The following TENM3 variants were observed in gnomAD, a reference collection of about 807,000 sequenced individuals.
TENM3 encodes the protein teneurin-3.
TENM3 carries 63 observed loss-of-function variants against 255.1 expected under a neutral mutation model. The observed-to-expected ratio is 0.25, with a 90% CI of 0.20 to 0.30. The LOEUF is 0.30. Ranked by LOEUF, TENM3 falls within the 10% of genes least tolerant of loss-of-function variation. The probability of loss-of-function intolerance (pLI) is 1.00; values close to 1 mark genes in which losing one functional copy is unlikely to be tolerated. For synonymous variants in TENM3, 1,306 were observed against 1,322.3 expected (o/e 0.99, Z 0.27); for missense variants, 2,929 against 3,461.1 (o/e 0.85, Z 3.86).
intron 2 of TENM3, among the ~76,000 whole-genome samples, chr4:182,344,086 T>A (rs1764645001): frequency 7.2e-6 from 1 of 138,938 alleles, no homozygotes; most frequent in Non-Finnish European, 1.6e-5. Context: ...ATTTTTTAAG[T>A]GATTTTTTTC....
chr4:182,524,728 C>A (rs964056914), intron 3 of TENM3, among the ~76,000 whole-genome samples: 2 of 149,736 alleles, frequency 1.3e-5, no homozygotes, highest in African/African-American at 4.9e-5. Context: ...CTTTTTAAGA[C>A]AAGAGGGGGC....
intron 3 of TENM3, among the ~76,000 whole-genome samples, chr4:182,479,645 T>C (rs1313568860): frequency 6.6e-6 from 1 of 152,028 alleles, no homozygotes; most frequent in African/African-American, 2.4e-5. Flanking sequence ...TAATCCTCAT[T>C]TGTAGTGTTG....
the TENM3 span, among the ~76,000 whole-genome samples, chr4:181,926,446 T>C: frequency 6.6e-6 from 1 of 152,168 alleles, no homozygotes; most frequent in African/African-American, 2.4e-5. Flanking sequence ...AAGAACCTTG[T>C]GACATTTCTG....
At chr4:181,452,583 C>T in the TENM3 span, among the ~76,000 whole-genome samples, 5 of 152,116 alleles carry the variant, frequency 3.3e-5, no homozygotes, top group African/African-American at 1.2e-4. Context: ...TTGTAAGTTT[C>T]CTGAGGCCTC....
the TENM3 span, among the ~76,000 whole-genome samples, chr4:181,869,263 A>G: frequency 8.9e-4 from 135 of 152,284 alleles, no homozygotes; most frequent in East Asian, 0.014. Flanking sequence ...TTTAGGAAAC[A>G]CTTCAGTTTA....
chr4:182,287,865 C>T (rs1561283235), intron 1 of TENM3, among the ~76,000 whole-genome samples: 1 of 152,064 alleles, frequency 6.6e-6, no homozygotes. Context: ...GATCCGCCCA[C>T]CTCACCCTCC....
the TENM3 span, among the ~76,000 whole-genome samples, chr4:181,782,438 T>A: frequency 6.6e-6 from 1 of 152,198 alleles, no homozygotes; most frequent in Admixed American, 6.5e-5. Flanking sequence ...CTGATGGTAG[T>A]TCGTATTTCT....
intron 22 of TENM3, among the ~76,000 whole-genome samples, chr4:182,755,932 G>A (rs1377981663): frequency 6.6e-6 from 1 of 152,170 alleles, no homozygotes; most frequent in African/African-American, 2.4e-5. Flanking sequence ...CTCGTGTAAG[G>A]GAGAAGCCCA....
At chr4:182,143,896 CTCGG>C (rs1375108328), upstream of TENM3, 1 of 152,652 alleles carries the variant, frequency 6.6e-6, no homozygotes, top group Non-Finnish European at 1.5e-5. This position sits in a 1 kb window ranked among gnomAD's most constrained non-coding sequence, Gnocchi z 4.3. Context: ...GCATGGGAGC[CTCGG>C]TGCTTTCCCG....
At chr4:181,811,348 C>T in the TENM3 span, among the ~76,000 whole-genome samples, 10 of 152,162 alleles carry the variant, frequency 6.6e-5, no homozygotes, top group Non-Finnish European at 1.5e-4. Context: ...CATCATGTAT[C>T]TCTTCTCAAT....
chr4:181,558,535 T>G, the TENM3 span, among the ~76,000 whole-genome samples: 1 of 152,228 alleles, frequency 6.6e-6, no homozygotes, highest in Admixed American at 6.5e-5. Context: ...TCACAAACCA[T>G]TCCATAATCC....
the TENM3 span, among the ~76,000 whole-genome samples, chr4:181,844,179 A>C: frequency 6.6e-6 from 1 of 152,078 alleles, no homozygotes; most frequent in Non-Finnish European, 1.5e-5. Flanking sequence ...TAACCCATTC[A>C]TGGAGGCAAA....
At chr4:182,537,858 A>T (rs1311635932) in intron 3 of TENM3, among the ~76,000 whole-genome samples, 1 of 152,182 alleles carries the variant, frequency 6.6e-6, no homozygotes. Flanking sequence ...ATGTGCACAG[A>T]TGCAAACTGA....
chr4:182,185,874 A>G (rs1291912622), intron 1 of TENM3, among the ~76,000 whole-genome samples: 1 of 152,358 alleles, frequency 6.6e-6, no homozygotes, highest in East Asian at 1.9e-4. Context: ...CATAGAAAAC[A>G]TGGAATGTCC....
In TENM3 at chr4:182,264,571, A is replaced by G. The variant is rs560887089; in HGVS notation, c.-76+21095A>G. On this transcript the variant is annotated intron_variant, in intron 1 of 27. Coordinates refer to ENST00000511685, the MANE Select transcript of TENM3 (RefSeq NM_001080477.4). The stretch of plus-strand genomic sequence containing the variant: ...CAGAGACTGTCCTGTGCTGTAGCTC[A>G]GTAGCTAAGGTTTTTGCCCTTTCCC... 2.2e-4 allele frequency among the ~76,000 whole-genome samples: 34 copies of G among 152,352 alleles called. No individual in the cohort carries two copies. The East Asian group carries it at 6.6e-3, about 29-fold the overall frequency.
intron 3 of TENM3, chr4:182,349,813 T>C (rs1239912962): frequency 5.6e-6 from 2 of 355,042 alleles, no homozygotes; most frequent in Admixed American, 7.5e-5. Context: ...ATTCTTTTCA[T>C]TTTCTCTTTT....
chr4:182,088,557 T>TTTAA, the TENM3 span, among the ~76,000 whole-genome samples: 3 of 152,118 alleles, frequency 2.0e-5, no homozygotes, highest in African/African-American at 7.2e-5. Flanking sequence ...AAGCACAATC[T>TTTAA]TTAATTTTTT....
At chr4:182,766,203 T>C (rs533304702) in intron 22 of TENM3, among the ~76,000 whole-genome samples, 2 of 152,062 alleles carry the variant, frequency 1.3e-5, no homozygotes, top group Non-Finnish European at 2.9e-5. Context: ...TCCAGACCCA[T>C]GGAATAAATC....
intron 3 of TENM3, among the ~76,000 whole-genome samples, chr4:182,473,277 T>C (rs79570494): frequency 0.014 from 2,117 of 152,346 alleles, 59 homozygotes; most frequent in African/African-American, 0.048. Flanking sequence ...AGATCTTCTT[T>C]GAATTTCAGA....
Sources: gnomAD v4.1 joint callset for allele counts (sites outside exome capture counted in the v4.1 genomes callset) on GRCh38, gnomAD v4.1.1 for gene constraint, Gnocchi (gnomAD v3.1) non-coding constraint, MANE v1.5 for transcripts, NCBI Gene and HGNC (gene_info 2026-07-23, HGNC 2026-07-21) for gene names.